The following TET3 variants were observed in gnomAD, a reference collection of about 807,000 sequenced individuals.
TET3 encodes the protein tet methylcytosine dioxygenase 3, also known as methylcytosine dioxygenase TET3.
TET3 carries 19 observed loss-of-function variants against 141.4 expected under a neutral mutation model. The observed-to-expected ratio is 0.13, with a 90% CI of 0.09 to 0.20. The LOEUF is 0.20. TET3 is among the 10% of genes least tolerant of loss of function. The pLI is 1.00. For synonymous variants in TET3, 1,043 were observed against 980.9 expected (o/e 1.06, Z -1.18); for missense variants, 1,874 against 2,356.9 (o/e 0.80, Z 4.24).
chr2:74,027,519 C>G (rs1344111889), intron 3 of TET3, among the ~76,000 whole-genome samples: 1 of 152,048 alleles, frequency 6.6e-6, no homozygotes, highest in Admixed American at 6.6e-5. Context: ...AGCATTCACT[C>G]CTCTTTGTTC....
At chr2:74,055,967 A>G (rs1048223638) in intron 4 of TET3, among the ~76,000 whole-genome samples, 1 of 152,208 alleles carries the variant, frequency 6.6e-6, no homozygotes, top group Middle Eastern at 3.2e-3. Flanking sequence ...GACTCCAGAT[A>G]GATTCCTTCC....
chr2:73,994,925 C>T (rs1293670099), intron 2 of TET3, among the ~76,000 whole-genome samples: 1 of 151,884 alleles, frequency 6.6e-6, no homozygotes, highest in Non-Finnish European at 1.5e-5. Context: ...GCATGAGCCA[C>T]TGTCCTGGCC....
chr2:73,988,983 A>G (rs1684186181), intron 2 of TET3, among the ~76,000 whole-genome samples: 1 of 148,794 alleles, frequency 6.7e-6, no homozygotes, highest in Admixed American at 6.7e-5. Context: ...CTCTGAAAAA[A>G]AAAAAAGTTT....
rs532365343 is a variant in TET3, at chr2:74,064,324, A to G, written c.2495-9225A>G. On this transcript the variant is annotated intron_variant, in intron 4 of 11. Coordinates refer to ENST00000409262, the MANE Select transcript of TET3 (RefSeq NM_001287491.2). ...ATTAAATACTGTTTAAATTGTCTTC[A>G]AAAAGAGTACAGTGTGATTCAGTAT... Among the ~76,000 whole-genome samples the G allele has an allele frequency of 4.5e-4, 69 of 152,350 alleles. 2 individuals carry two copies. The highest frequency in any genetic ancestry group is 6.8e-3 in the Middle Eastern group (2 of 294).
At chr2:74,082,280 G>A (rs1208897906) in intron 6 of TET3, among the ~76,000 whole-genome samples, 1 of 152,180 alleles carries the variant, frequency 6.6e-6, no homozygotes, top group Non-Finnish European at 1.5e-5. Flanking sequence ...TGAGGGCTGG[G>A]AAGAGCACAC....
the TET3 span, among the ~76,000 whole-genome samples, chr2:74,132,585 C>T: frequency 6.6e-6 from 1 of 152,202 alleles, no homozygotes. Context: ...CAGTGTCTTA[C>T]TTGTTGCCCA....
chr2:73,986,792 T>C, intron 2 of TET3, 86 bp downstream of exon 2: 1 of 1,153,310 alleles, frequency 8.7e-7, no homozygotes, highest in Non-Finnish European at 1.1e-6. Context: ...GCTCGTCCAG[T>C]TGAGTCCATT....
downstream of TET3, among the ~76,000 whole-genome samples, chr2:74,111,199 C>T (rs888798869): frequency 1.3e-5 from 2 of 151,984 alleles, no homozygotes; most frequent in African/African-American, 4.8e-5. Flanking sequence ...CAAATGCCCC[C>T]AAAAGAATCG....
the TET3 span, chr2:74,122,876 TAG>T: frequency 6.6e-6 from 1 of 151,698 alleles, no homozygotes; most frequent in Non-Finnish European, 1.5e-5. Context: ...GTATTTTTTA[TAG>T]AGATGGGATT....
Position 74,090,055 on chromosome 2 carries a change from G to A in TET3, c.3039+8G>A, listed in dbSNP as rs772786800. On this transcript the variant is annotated splice_region_variant and intron_variant, in intron 8 of 11. Coordinates refer to ENST00000409262, the MANE Select transcript of TET3 (RefSeq NM_001287491.2). Reference sequence around the variant, plus strand: ...GGGGACAATCCCAAAGAGGTGAGCAGAGCTGGGCGGGGACCCTGCCTCCCA... The same window carrying A: ...GGGGACAATCCCAAAGAGGTGAGCAAAGCTGGGCGGGGACCCTGCCTCCCA... The A allele has an allele frequency of 6.2e-7, 1 of 1,613,464 alleles. No individual in the cohort carries two copies. The highest frequency in any genetic ancestry group is 1.3e-5 in the African/African-American group (1 of 74,934).
intron 6 of TET3, among the ~76,000 whole-genome samples, chr2:74,081,847 T>G (rs996548248): frequency 1.3e-5 from 2 of 152,250 alleles, no homozygotes; most frequent in African/African-American, 4.8e-5. Flanking sequence ...TAGCAATTTT[T>G]AGTCAGCATT....
the TET3 span, among the ~76,000 whole-genome samples, chr2:74,126,805 G>A: frequency 6.6e-6 from 1 of 152,120 alleles, no homozygotes; most frequent in Non-Finnish European, 1.5e-5. Flanking sequence ...ACCCAGCCTG[G>A]AATTTTTTTA....
the TET3 span, among the ~76,000 whole-genome samples, chr2:74,130,094 C>A: frequency 3.1e-3 from 396 of 126,520 alleles, no homozygotes; most frequent in East Asian, 5.6e-3. Context: ...GAGTCTGTCT[C>A]AAAAAAAAAA....
intron 3 of TET3, among the ~76,000 whole-genome samples, chr2:74,016,080 A>T (rs1253438674): frequency 6.6e-6 from 1 of 152,140 alleles, no homozygotes; most frequent in Non-Finnish European, 1.5e-5. Flanking sequence ...TTTAAAAAAA[A>T]ATTCAGGCTG....
chr2:74,029,737 G>C (rs1289517131), intron 3 of TET3, among the ~76,000 whole-genome samples: 3 of 152,156 alleles, frequency 2.0e-5, no homozygotes, highest in Non-Finnish European at 2.9e-5. Flanking sequence ...TGTCCTTTCT[G>C]TTCCTTATTC....
At chr2:74,057,157 T>C (rs887198790) in intron 4 of TET3, among the ~76,000 whole-genome samples, 6 of 152,186 alleles carry the variant, frequency 3.9e-5, no homozygotes, top group South Asian at 2.1e-4. Context: ...AGAAAAAATA[T>C]ATGCTGAACC....
chr2:74,062,012 A>G (rs1384052425), intron 4 of TET3, among the ~76,000 whole-genome samples: 2 of 151,890 alleles, frequency 1.3e-5, no homozygotes, highest in Non-Finnish European at 2.9e-5. Flanking sequence ...CACTTCCCAG[A>G]CGGGGTGGCG....
At chr2:74,065,620 G>GTCCGTCCGTCCT (rs1553428827) in intron 4 of TET3, among the ~76,000 whole-genome samples, 2 of 142,442 alleles carry the variant, frequency 1.4e-5, no homozygotes, top group Non-Finnish European at 1.5e-5. Flanking sequence ...CCGTCCGTCC[G>GTCCGTCCGTCCT]TCCTTCCTTC....
At chr2:73,987,841 C>CG (rs1471412072) in intron 2 of TET3, among the ~76,000 whole-genome samples, 1 of 152,170 alleles carries the variant, frequency 6.6e-6, no homozygotes, top group East Asian at 1.9e-4. Context: ...CTGTGGCTGG[C>CG]GTTGGGCTGG....
Sources: gnomAD v4.1 joint callset for allele counts (sites outside exome capture counted in the v4.1 genomes callset) on GRCh38, gnomAD v4.1.1 for gene constraint, MANE v1.5 for transcripts, NCBI Gene and HGNC (gene_info 2026-07-23, HGNC 2026-07-21) for gene names.